PSMA7: variants seen among roughly 807,000 people sequenced by gnomAD.
PSMA7 encodes the protein proteasome subunit alpha type-7.
A neutral mutation model predicts 31.3 loss-of-function variants in PSMA7; 5 were observed. That is an observed-to-expected ratio of 0.16 (90% CI 0.08 to 0.34). The LOEUF is 0.34. PSMA7 is among the 10% of genes least tolerant of loss of function. PSMA7 has a pLI of 1.00. For missense variants in PSMA7, 217 were observed against 327.5 expected (o/e 0.66, Z 2.60); for synonymous variants, 155 against 121.9 (o/e 1.27, Z -1.79).
chr20:62,138,995 C>T (rs1285441589), intron 4 of PSMA7, 80 bp downstream of exon 4: 15 of 1,541,754 alleles, frequency 9.7e-6, no homozygotes, highest in South Asian at 2.3e-5. Context: ...ACAGGGCCTA[C>T]AGCAGGAAGC....
In PSMA7 at chr20:62,136,753, T is replaced by G; in HGVS notation, c.*104A>C. 2 of 1,452,530 alleles carry G rather than the reference T, an allele frequency of 1.4e-6. 1 individual carries two copies. The highest frequency in any genetic ancestry group is 2.8e-5 in the South Asian group (2 of 72,142). The allele number at this position is 1,452,530 out of a possible 1,614,324, so 90.0% of individuals were successfully genotyped here. Reference sequence around the variant, plus strand: ...ACAGGTTAAAAATACGGAAGTTTATTGTAGGACACTCAGTGTGAATAAATG... The same window carrying G: ...ACAGGTTAAAAATACGGAAGTTTATGGTAGGACACTCAGTGTGAATAAATG... On this transcript the variant is annotated 3_prime_UTR_variant, in exon 7 of 7. Transcript: ENST00000370873.
At chr20:62,139,740 C>T (rs779239960) in intron 3 of PSMA7, 41 bp downstream of exon 3, 1 of 1,613,776 alleles carries the variant, frequency 6.2e-7, no homozygotes, top group Admixed American at 1.7e-5. Context: ...CCGTGACTGC[C>T]CTGCTGCCAG....
At chr20:62,138,429 G>T in intron 4 of PSMA7, 139 bp from the exon 5 acceptor site, 2 of 1,120,526 alleles carry the variant, frequency 1.8e-6, no homozygotes, top group Non-Finnish European at 2.5e-6. Flanking sequence ...AGCAGCTGTG[G>T]ACACAGGCCC....
intron 4 of PSMA7, 29 bp from the exon 5 acceptor site, chr20:62,138,319 G>T (rs1279398097): frequency 6.4e-7 from 1 of 1,572,226 alleles, no homozygotes; most frequent in South Asian, 1.2e-5. Flanking sequence ...TTCTCACGTG[G>T]CATAGGGCAT....
In PSMA7 at chr20:62,138,332, C is replaced by A. The variant is rs777011689; in HGVS notation, c.472-42G>T. 9.0e-6 allele frequency: 14 copies of A among 1,553,810 alleles called. 1 individual carries two copies. The highest frequency in any genetic ancestry group is 1.9e-4 in the Middle Eastern group (1 of 5,382). On this transcript the variant is annotated intron_variant, in intron 4 of 6. Transcript: ENST00000370873. ...TGTTCTCACGTGGCATAGGGCATGA[C>A]AACCCAGGGCCAGCCCTGGAACACA...
At position 62,140,837 on chromosome 20, in the gene PSMA7, G is replaced by A. The variant is rs369835586; in HGVS notation, c.204C>T (p.Asn68=). 2.4e-4 allele frequency: 394 copies of A among 1,614,094 alleles called. No individual in the cohort carries two copies. The highest frequency in any genetic ancestry group is 2.9e-4 in the Non-Finnish European group (348 of 1,180,042). Residue 68 remains asparagine, a synonymous_variant, in exon 2 of 7, where the codon AAC becomes AAT. Transcript: ENST00000370873. ...TVRKICALDD[N]VCMAFAGLTA... is the part of the protein sequence containing the mutation. ...TCATACCTGCAAAGGCCATGCAGAC[G>A]TTGTCATCCAAAGCACAGATCTTCC...
In PSMA7 at chr20:62,139,763, A is replaced by T; in HGVS notation, c.348+18T>A. On this transcript the variant is annotated intron_variant, in intron 3 of 6. Transcript: ENST00000370873. ...GCCCTGCTGCCAGAGGTGAGCATGC[A>T]AGCGGGCAGGCACCCACCTGCTTCA... 1.2e-6 allele frequency: 2 copies of T among 1,613,880 alleles called. No individual in the cohort carries two copies. The highest frequency in any genetic ancestry group is 1.7e-6 in the Non-Finnish European group (2 of 1,180,024).
chr20:62,139,397 C>T, intron 3 of PSMA7, 200 bp from the exon 4 acceptor site: 2 of 722,394 alleles, frequency 2.8e-6, no homozygotes, highest in Non-Finnish European at 4.4e-6. Context: ...CACCTAGGAC[C>T]AGAATTGTGA....
intron 1 of PSMA7, among the ~76,000 whole-genome samples, chr20:62,141,186 G>C (rs1157643893): frequency 6.6e-6 from 1 of 152,224 alleles, no homozygotes; most frequent in African/African-American, 2.4e-5. Context: ...AGGATCGCTA[G>C]AGCCTGGAAG....
chr20:62,139,111 A>G lies in PSMA7; in HGVS notation c.435T>C (p.Tyr145=). 6.2e-7 allele frequency: 1 copy of G among 1,614,156 alleles called. No homozygotes were observed. The highest frequency in any genetic ancestry group is 8.5e-7 in the Non-Finnish European group (1 of 1,180,012). ...GFDFDGTPRL[Y]QTDPSGTYHA... ...GGTATGTGCCCGAGGGGTCAGTCTG[A>G]TAGAGCCTAGGAGTGCCATCAAAGT... The change falls in exon 4 of 7, where the codon TAT becomes TAC. Residue 145 remains tyrosine, a synonymous_variant. Transcript: ENST00000370873.
At chr20:62,139,267 G>T (rs758532119) in intron 3 of PSMA7, 70 bp from the exon 4 acceptor site, 8 of 1,554,614 alleles carry the variant, frequency 5.1e-6, no homozygotes, top group Non-Finnish European at 7.0e-6. Flanking sequence ...ACCGTACTTA[G>T]TGAAGATACG....
At chr20:62,141,671 C>T (rs1000945494) in intron 1 of PSMA7, among the ~76,000 whole-genome samples, 1 of 152,250 alleles carries the variant, frequency 6.6e-6, no homozygotes, top group African/African-American at 2.4e-5. Flanking sequence ...GGCAGTGTTT[C>T]TGTAGTTGTG....
In PSMA7 at chr20:62,138,322, T is replaced by C. The variant is rs1454903197; in HGVS notation, c.472-32A>G. 3.2e-6 allele frequency: 5 copies of C among 1,571,010 alleles called. No individual in the cohort carries two copies. The Admixed American group carries it at 5.3e-5, about 17-fold the overall frequency. ...CAGACACGTATGTTCTCACGTGGCA[T>C]AGGGCATGACAACCCAGGGCCAGCC... On this transcript the variant is annotated intron_variant, in intron 4 of 6. Coordinates refer to ENST00000370873, the MANE Select transcript of PSMA7 (RefSeq NM_002792.4).
intron 2 of PSMA7, among the ~76,000 whole-genome samples, 175 bp downstream of exon 2, chr20:62,140,639 CAGAG>C (rs1387969000): frequency 2.6e-5 from 4 of 152,162 alleles, no homozygotes; most frequent in African/African-American, 9.7e-5. Flanking sequence ...CCTGCTATGG[CAGAG>C]AGAGGCCACC....
At chr20:62,138,738 A>T (rs2145663579) in intron 4 of PSMA7, among the ~76,000 whole-genome samples, 1 of 151,894 alleles carries the variant, frequency 6.6e-6, no homozygotes, top group African/African-American at 2.4e-5. Flanking sequence ...TTGTATTTTT[A>T]GTGGAGACAG....
rs141681081 is a variant in PSMA7, at chr20:62,139,282, T to C, written c.349-85A>G. 5 of 1,507,808 alleles carry C rather than the reference T, an allele frequency of 3.3e-6. No individual in the cohort carries two copies. The African/African-American group carries it at 4.2e-5, about 13-fold the overall frequency. 93.4% of individuals were successfully genotyped at this position (1,507,808 alleles called of 1,614,324 possible). A position where few individuals can be genotyped will look rare whatever the true frequency, so the allele number is the denominator to read the frequency against. Reference sequence around the variant, plus strand: ...ACCGTACTTAGTGAAGATACGAACATTTTAAACCATGCCTGAGCCCCTTCT... The same window carrying C: ...ACCGTACTTAGTGAAGATACGAACACTTTAAACCATGCCTGAGCCCCTTCT... On this transcript the variant is annotated intron_variant, in intron 3 of 6. Coordinates refer to ENST00000370873, the MANE Select transcript of PSMA7 (RefSeq NM_002792.4).
chr20:62,140,520 A>G (rs1298355027), intron 2 of PSMA7, among the ~76,000 whole-genome samples: 5 of 152,216 alleles, frequency 3.3e-5, no homozygotes, highest in Non-Finnish European at 5.9e-5. Flanking sequence ...TTAGCTCTAG[A>G]AAGTCCAGCC....
In PSMA7 at chr20:62,139,898, G is replaced by A. The variant is rs753550433; in HGVS notation, c.231C>T (p.Thr77=). The A allele has an allele frequency of 8.1e-6, 13 of 1,613,504 alleles. No individual in the cohort carries two copies. The highest frequency in any genetic ancestry group is 1.3e-5 in the African/African-American group (1 of 75,044). Residue 77 remains threonine (T), a synonymous_variant, in exon 3 of 7, where the codon ACC becomes ACT. Coordinates refer to ENST00000370873, the MANE Select transcript of PSMA7 (RefSeq NM_002792.4). Reference sequence around the variant, plus strand: ...TGTTGATGACTATCCTTGCATCGGCGGTGAGGCCTGCAAGGAAAGCAGAGA... The same window carrying A: ...TGTTGATGACTATCCTTGCATCGGCAGTGAGGCCTGCAAGGAAAGCAGAGA... ...DNVCMAFAGL[T]ADARIVINRA... is the part of the protein sequence containing the mutation.
At chr20:62,137,245 T>A (rs993555742) in intron 6 of PSMA7, 119 bp downstream of exon 6, 3 of 1,102,298 alleles carry the variant, frequency 2.7e-6, no homozygotes, top group African/African-American at 3.2e-5. Context: ...AGAAAGACAT[T>A]TTCCTAATGT....
Sources: allele counts gnomAD v4.1 joint callset (sites outside exome capture counted in the v4.1 genomes callset), GRCh38; gene constraint gnomAD v4.1.1; transcripts MANE v1.5; gene names NCBI Gene and HGNC (gene_info 2026-07-23, HGNC 2026-07-21).